TRMT10B: variants seen among roughly 807,000 people sequenced by gnomAD.
TRMT10B encodes the protein tRNA methyltransferase 10 homolog B.
In TRMT10B, 33 loss-of-function variants were observed where a neutral mutation model predicts 43.8. The ratio of observed to expected loss-of-function variants is 0.75; its 90% CI spans 0.57 to 1.01. The LOEUF is 1.01. TRMT10B is among the 50% of genes least tolerant of loss of function. The pLI is 0.00. For synonymous variants in TRMT10B, 137 were observed against 130.6 expected (o/e 1.05, Z -0.34); for missense variants, 362 against 369.8 (o/e 0.98, Z 0.17).
intron 1 of TRMT10B, among the ~76,000 whole-genome samples, chr9:37,755,446 G>C (rs1825549624): frequency 6.6e-6 from 1 of 152,182 alleles, no homozygotes; most frequent in East Asian, 1.9e-4. Context: ...CTAAATTTGG[G>C]CATAGATAAT....
At chr9:37,761,555 G>A (rs777651085) in intron 1 of TRMT10B, among the ~76,000 whole-genome samples, 7 of 152,082 alleles carry the variant, frequency 4.6e-5, no homozygotes, top group African/African-American at 7.2e-5. Context: ...AAAATTAGCC[G>A]GGCTTGGTGG....
Position 37,776,271 on chromosome 9 carries a change from TA to T in TRMT10B, c.721-10del. ...TTTTTATAAGAAAAATATTTAACTA[TA>T]TATTTACAGAAGGTGACATTTCAAA... On this transcript the variant is annotated splice_polypyrimidine_tract_variant and intron_variant, in intron 7 of 8. Coordinates refer to ENST00000297994, the MANE Select transcript of TRMT10B (RefSeq NM_144964.4). The T allele has an allele frequency of 6.7e-7, 1 of 1,485,242 alleles. No homozygotes were observed. The highest frequency in any genetic ancestry group is 8.9e-7 in the Non-Finnish European group (1 of 1,121,132). 92.0% of individuals were successfully genotyped at this position (1,485,242 alleles called of 1,614,324 possible).
chr9:37,775,148 G>T (rs1259733401), intron 7 of TRMT10B, among the ~76,000 whole-genome samples: 1 of 152,206 alleles, frequency 6.6e-6, no homozygotes, highest in Non-Finnish European at 1.5e-5. Flanking sequence ...AAACTGGAGT[G>T]GGTTGTCCCA....
chr9:37,761,128 C>T (rs1826281292), intron 1 of TRMT10B, among the ~76,000 whole-genome samples: 1 of 152,174 alleles, frequency 6.6e-6, no homozygotes, highest in African/African-American at 2.4e-5. Context: ...TTTCATGTCA[C>T]TCTACTATAT....
chr9:37,777,517 C>T (rs1016744666), intron 8 of TRMT10B, 84 bp from the exon 9 acceptor site: 18 of 1,206,266 alleles, frequency 1.5e-5, no homozygotes, highest in Middle Eastern at 3.9e-4. Flanking sequence ...GTTTGTTGAA[C>T]GAAATATTAC....
chr9:37,761,457 G>C (rs1041217250), intron 1 of TRMT10B, among the ~76,000 whole-genome samples: 4 of 147,054 alleles, frequency 2.7e-5, no homozygotes, highest in Admixed American at 6.7e-5. Flanking sequence ...CCCGCACTTT[G>C]GGGGGCCGAG....
chr9:37,753,392 C>T (rs1049262373), upstream of TRMT10B, among the ~76,000 whole-genome samples: 5 of 152,226 alleles, frequency 3.3e-5, no homozygotes, highest in African/African-American at 1.2e-4. Context: ...AGTGCATGTC[C>T]AACCGCCCCG....
intron 1 of TRMT10B, among the ~76,000 whole-genome samples, chr9:37,757,615 A>C (rs189994566): frequency 4.4e-4 from 67 of 152,334 alleles, no homozygotes; most frequent in African/African-American, 1.6e-3. Context: ...TCTGGTGGTC[A>C]CATGTTCACA....
intron 7 of TRMT10B, among the ~76,000 whole-genome samples, chr9:37,771,098 C>G (rs537578850): frequency 5.3e-5 from 8 of 152,196 alleles, no homozygotes; most frequent in Non-Finnish European, 1.2e-4. Flanking sequence ...AGGTTGATCT[C>G]TCTGCTGAAA....
chr9:37,770,764 ATC>A lies in TRMT10B; in HGVS notation c.720+27_720+28del, dbSNP rs779154697. On this transcript the variant is annotated intron_variant, in intron 7 of 8. Coordinates refer to ENST00000297994, the MANE Select transcript of TRMT10B (RefSeq NM_144964.4). Reference sequence around the variant, plus strand: ...GGTAAGTATACATTTCAGCCCCAACATCTGTTTTAAAAAGCAGTGCTTACTTT... The same window carrying A: ...GGTAAGTATACATTTCAGCCCCAACATGTTTTAAAAAGCAGTGCTTACTTT... 1.1e-5 allele frequency: 18 copies of A among 1,611,954 alleles called. No individual in the cohort carries two copies. In the East Asian group the frequency reaches 2.0e-4, roughly 18 times the overall value.
intron 4 of TRMT10B, among the ~76,000 whole-genome samples, chr9:37,764,768 AAG>A (rs1409955242): frequency 1.3e-5 from 2 of 152,094 alleles, no homozygotes; most frequent in East Asian, 3.9e-4. Context: ...TCATTGATGA[AAG>A]AGGGATTCCC....
rs911822484 is a variant in TRMT10B, at chr9:37,767,959, C to G, written c.421-117C>G. 21 of 1,063,200 alleles carry G rather than the reference C, an allele frequency of 2.0e-5. No individual in the cohort carries two copies. In the African/African-American group the frequency reaches 3.2e-4, roughly 16 times the overall value. The allele number at this position is 1,063,200 out of a possible 1,614,324, so 65.9% of individuals were successfully genotyped here. Reference sequence around the variant, plus strand: ...GTATAATACACGCACACATGTACTCCTAGTACATGGGGTTTTCTGGAGTAG... The same window carrying G: ...GTATAATACACGCACACATGTACTCGTAGTACATGGGGTTTTCTGGAGTAG... On this transcript the variant is annotated intron_variant, in intron 4 of 8. Coordinates refer to ENST00000297994, the MANE Select transcript of TRMT10B (RefSeq NM_144964.4).
intron 4 of TRMT10B, among the ~76,000 whole-genome samples, chr9:37,765,075 G>GA (rs1826836008): frequency 6.6e-6 from 1 of 152,140 alleles, no homozygotes; most frequent in Non-Finnish European, 1.5e-5. Flanking sequence ...GGGATAAAGA[G>GA]ATTATGCCTT....
chr9:37,763,422 A>T (rs1053498918), intron 3 of TRMT10B, among the ~76,000 whole-genome samples: 25 of 152,216 alleles, frequency 1.6e-4, no homozygotes, highest in African/African-American at 6.0e-4. Context: ...CCAATCAATG[A>T]ACAAACTGAA....
intron 1 of TRMT10B, among the ~76,000 whole-genome samples, chr9:37,757,232 C>T (rs1412373486): frequency 6.6e-6 from 1 of 152,154 alleles, no homozygotes; most frequent in Non-Finnish European, 1.5e-5. Context: ...TACAGGTGTG[C>T]ATCATCATGC....
At chr9:37,762,312 G>A (rs1370334448) in intron 2 of TRMT10B, among the ~76,000 whole-genome samples, 195 bp downstream of exon 2, 1 of 152,156 alleles carries the variant, frequency 6.6e-6, no homozygotes, top group African/African-American at 2.4e-5. Flanking sequence ...AGGAATTTTT[G>A]ATATACCCCT....
intron 6 of TRMT10B, 66 bp downstream of exon 6, chr9:37,770,085 G>T: frequency 7.0e-7 from 1 of 1,427,980 alleles, no homozygotes; most frequent in Non-Finnish European, 9.9e-7. Context: ...CCCTGTGGCA[G>T]AATTTATTAA....
At chr9:37,771,503 C>T (rs1827577727) in intron 7 of TRMT10B, among the ~76,000 whole-genome samples, 1 of 152,140 alleles carries the variant, frequency 6.6e-6, no homozygotes, top group Non-Finnish European at 1.5e-5. Context: ...GTATATTTAA[C>T]ACAGATGATA....
intron 7 of TRMT10B, among the ~76,000 whole-genome samples, chr9:37,774,017 C>G (rs1382211800): frequency 6.6e-6 from 1 of 151,656 alleles, no homozygotes; most frequent in Non-Finnish European, 1.5e-5. Flanking sequence ...TTACCTGCAG[C>G]AGGGTGACAG....
Sources: allele counts gnomAD v4.1 joint callset (sites outside exome capture counted in the v4.1 genomes callset), GRCh38; gene constraint gnomAD v4.1.1; transcripts MANE v1.5; gene names NCBI Gene and HGNC (gene_info 2026-07-23, HGNC 2026-07-21).